Variants in CUL9 observed in about 807,000 individuals in gnomAD.
CUL9 encodes cullin-9.
Under a neutral mutation model 272.6 loss-of-function variants are expected in CUL9, and 79 were observed. That is an observed-to-expected ratio of 0.29 (90% CI 0.24 to 0.35). The LOEUF (loss-of-function observed/expected upper bound fraction) is 0.35, where lower values mean the gene tolerates loss of function less well. Among genes scored for constraint, CUL9 ranks in the 10% least tolerant of loss-of-function variants. The pLI is 1.00. For missense variants in CUL9, 2,532 were observed against 3,255.6 expected (o/e 0.78, Z 5.41); for synonymous variants, 1,186 against 1,286.5 (o/e 0.92, Z 1.67).
Position 43,203,710 on chromosome 6 carries a change from T to C in CUL9, c.4025+118T>C. 2.0e-6 allele frequency: 3 copies of C among 1,484,874 alleles called. No homozygotes were observed. The highest frequency in any genetic ancestry group is 1.3e-5 in the South Asian group (1 of 77,318). 92.0% of individuals were successfully genotyped at this position (1,484,874 alleles called of 1,614,324 possible). On this transcript the variant is annotated intron_variant, in intron 19 of 40. Coordinates refer to ENST00000252050, the MANE Select transcript of CUL9 (RefSeq NM_015089.4). This position sits in a 1 kb window ranked among gnomAD's most constrained non-coding sequence, Gnocchi z 5.0. Reference sequence around the variant, plus strand: ...TGCAGCCAGGACATGAGGGGGAAGGTGAACGTAGGTGAGAAGTTTGTGTTA... The same window carrying C: ...TGCAGCCAGGACATGAGGGGGAAGGCGAACGTAGGTGAGAAGTTTGTGTTA...
chr6:43,210,168 G>A (rs1775362396), intron 26 of CUL9, among the ~76,000 whole-genome samples: 1 of 151,466 alleles, frequency 6.6e-6, no homozygotes, highest in African/African-American at 2.4e-5. Context: ...TAGTAGAGAT[G>A]GGGTTTCACC....
At chr6:43,207,991 A>G (rs530802506) in intron 26 of CUL9, among the ~76,000 whole-genome samples, 2 of 152,318 alleles carry the variant, frequency 1.3e-5, no homozygotes, top group Non-Finnish European at 2.9e-5. Flanking sequence ...TAAAACCGCT[A>G]ATCATACTGG....
In CUL9 at chr6:43,203,027, CCGACT is replaced by C; in HGVS notation, c.3754-81_3754-77del. Reference sequence around the variant, plus strand: ...GAGAAGTGAAGGGCACACACCATGACCGACTTGGTTACTGTCAACAATTTTTCCAA... The same window carrying C: ...GAGAAGTGAAGGGCACACACCATGACTGGTTACTGTCAACAATTTTTCCAA... On this transcript the variant is annotated intron_variant, in intron 17 of 40. Transcript: ENST00000252050. This position sits in a 1 kb window ranked among gnomAD's most constrained non-coding sequence, Gnocchi z 5.0. 6.7e-7 allele frequency: 1 copy of C among 1,483,378 alleles called. No individual in the cohort carries two copies. The highest frequency in any genetic ancestry group is 9.4e-7 in the Non-Finnish European group (1 of 1,065,310). The allele number at this position is 1,483,378 out of a possible 1,614,324, so 91.9% of individuals were successfully genotyped here.
rs369700562 is a variant in CUL9 at position 43,224,359 on chromosome 6, T to A, written c.7468T>A (p.Phe2490Ile). 6.2e-7 allele frequency: 1 copy of A among 1,614,092 alleles called. No homozygotes were observed. Among genetic ancestry groups the A allele is most frequent in the African/African-American group, 1.3e-5 (1 of 74,930 alleles). ...TGATGAGGAGCTGGACAATGACAGC[T>A]TCTCCTACGATGAGTCTGAGAACCT... Reference protein sequence around the residue: ...EFDEELDNDSFSYDESENLDQ... With the variant: ...EFDEELDNDSISYDESENLDQ... Residue 2490 changes from phenylalanine (F) to isoleucine (I), a missense_variant, in exon 41 of 41, where the codon TTC (phenylalanine) becomes ATC (isoleucine). Phe to Ile is a conservative substitution (Grantham distance 21, BLOSUM62 0). Around this residue, in one of 3 missense-constraint regions of CUL9, gnomAD observed 237 missense variants for 305.9 expected, o/e 0.77. Transcript: ENST00000252050. This position sits in a 1 kb window ranked among gnomAD's most constrained non-coding sequence, Gnocchi z 4.2.
In CUL9 at chr6:43,188,696, C is replaced by G. The variant is rs770578201; in HGVS notation, c.2161C>G (p.Arg721Gly). ...CACTGAGCGGGACCACCCTCTGGTC[C>G]GTCCTGACAGATCGCTGAGGTTAGC... ...EVTERDHPLV[R>G]PDRSLREKLV... The change falls in exon 8 of 41, where the codon CGT (arginine) becomes GGT (glycine). Residue 721 changes from arginine (R) to glycine (G), a missense_variant. Arg to Gly is a moderately radical substitution (Grantham distance 125). Coordinates refer to ENST00000252050, the MANE Select transcript of CUL9 (RefSeq NM_015089.4). The G allele has an allele frequency of 4.3e-6, 7 of 1,610,610 alleles. No individual in the cohort carries two copies. Among genetic ancestry groups the G allele is most frequent in the South Asian group, 2.2e-5 (2 of 90,538 alleles).
rs925658083 is a variant in CUL9 at position 43,188,094 on chromosome 6, A to C, written c.1963A>C (p.Thr655Pro). Residue 655 changes from threonine (T) to proline (P), a missense_variant, in exon 7 of 41, where the codon ACT becomes CCT. Coordinates refer to ENST00000252050, the MANE Select transcript of CUL9 (RefSeq NM_015089.4). Reference sequence around the variant, plus strand: ...GGTGACTGAGGGGATGACCCTGCCCACTGAGATGAAGGAGGCAGCCAGTGG... The same window carrying C: ...GGTGACTGAGGGGATGACCCTGCCCCCTGAGATGAAGGAGGCAGCCAGTGG... The part of the protein sequence containing the change: ...LLVTEGMTLP[T>P]EMKEAASEMA... 6 of 1,613,770 alleles carry C rather than the reference A, an allele frequency of 3.7e-6. No homozygotes were observed. The highest frequency in any genetic ancestry group is 5.1e-6 in the Non-Finnish European group (6 of 1,180,038).
chr6:43,204,261 C>A, intron 20 of CUL9, 99 bp from the exon 21 acceptor site: 2 of 1,450,770 alleles, frequency 1.4e-6, no homozygotes, highest in South Asian at 1.3e-5. Context: ...CACTACCCCT[C>A]AAGCCTTTTT....
intron 9 of CUL9, among the ~76,000 whole-genome samples, chr6:43,195,359 A>C (rs1456510198): frequency 6.6e-6 from 1 of 152,256 alleles, no homozygotes; most frequent in Non-Finnish European, 1.5e-5. Flanking sequence ...ACAGGTTTGC[A>C]CATTACAATT....
chr6:43,185,711 A>G, intron 3 of CUL9, 101 bp downstream of exon 3: 1 of 1,374,680 alleles, frequency 7.3e-7, no homozygotes, highest in East Asian at 2.4e-5. Flanking sequence ...CCACCTGGGA[A>G]CTTGTTAACA....
intron 8 of CUL9, among the ~76,000 whole-genome samples, chr6:43,190,031 C>T (rs1440987682): frequency 1.4e-5 from 2 of 145,946 alleles, no homozygotes; most frequent in Admixed American, 6.8e-5. Context: ...TTTTTTTTTG[C>T]CCCCGCTCAG....
In CUL9 at chr6:43,200,890, A is replaced by G; in HGVS notation, c.3647+56A>G. The G allele has an allele frequency of 6.2e-7, 1 of 1,601,486 alleles. No homozygotes were observed. The highest frequency in any genetic ancestry group is 8.5e-7 in the Non-Finnish European group (1 of 1,170,122). On this transcript the variant is annotated intron_variant, in intron 16 of 40. Coordinates refer to ENST00000252050, the MANE Select transcript of CUL9 (RefSeq NM_015089.4). The surrounding 1 kb of genome is among the most constrained non-coding windows in gnomAD (Gnocchi z 4.0). ...GTGCCCCAGGATACTTCCCCAAAGC[A>G]CCCAGATACACACAACCCCAGCTAT...
In CUL9 at chr6:43,216,378, G is replaced by A; in HGVS notation, c.6157G>A (p.Ala2053Thr). ...GGACCCTGAGCCACTGCTGCTGGCA[G>A]CTGGGCTGTGCGTACACCAGGCTCA... Reference protein sequence around the residue: ...SEDPEPLLLAAGLCVHQAQAV... With the variant: ...SEDPEPLLLATGLCVHQAQAV... Residue 2053 changes from alanine (A) to threonine (T), a missense_variant, in exon 31 of 41, where the codon GCT becomes ACT. Ala to Thr is a moderately conservative substitution (Grantham distance 58, BLOSUM62 0). Around this residue, in one of 3 missense-constraint regions of CUL9, gnomAD observed 2,218 missense variants for 2,788.6 expected, o/e 0.80. Coordinates refer to ENST00000252050, the MANE Select transcript of CUL9 (RefSeq NM_015089.4). 3 of 1,614,150 alleles carry A rather than the reference G, an allele frequency of 1.9e-6. No homozygotes were observed. Among genetic ancestry groups the A allele is most frequent in the Non-Finnish European group, 2.5e-6 (3 of 1,180,016 alleles).
chr6:43,202,633 A>C, intron 16 of CUL9, 83 bp from the exon 17 acceptor site: 1 of 1,176,550 alleles, frequency 8.5e-7, no homozygotes. Flanking sequence ...CTCCCACCTC[A>C]GCCTCCCAAA....
At position 43,216,458 on chromosome 6, in the gene CUL9, TGAC is replaced by T. The variant is rs769725460; in HGVS notation, c.6244_6246del (p.Asp2082del). 1.2e-6 allele frequency: 2 copies of T among 1,605,448 alleles called. No individual in the cohort carries two copies. The highest frequency in any genetic ancestry group is 1.7e-6 in the Non-Finnish European group (2 of 1,173,026). On this transcript the variant is annotated inframe_deletion, in exon 31 of 41. Transcript: ENST00000252050. ...CCGTCTGTGTGAGCCCCCTGGGGTG[TGAC>T]GACGACCTGCCCTCTCTCTGCTGCA...
In CUL9 at chr6:43,220,491, C is replaced by T. The variant is rs771857842; in HGVS notation, c.6315C>T (p.Ile2105=). The change falls in exon 32 of 41, where the codon ATC becomes ATT. Residue 2105 remains isoleucine, a synonymous_variant. Transcript: ENST00000252050. The surrounding 1 kb of genome is among the most constrained non-coding windows in gnomAD (Gnocchi z 4.9). ...GGAATGAGTACCTGACAACTCGGATCGAGCAGAACCTTGTTTTGAATTGCA... is the reference window on the plus strand; with the variant it reads ...GGAATGAGTACCTGACAACTCGGATTGAGCAGAACCTTGTTTTGAATTGCA... ...SCWNEYLTTR[I]EQNLVLNCTC... 1.1e-5 allele frequency: 18 copies of T among 1,614,154 alleles called. No individual in the cohort carries two copies. The Admixed American group carries it at 1.2e-4, about 10-fold the overall frequency.
chr6:43,189,900 A>G (rs914135530), intron 8 of CUL9, among the ~76,000 whole-genome samples: 4 of 152,150 alleles, frequency 2.6e-5, no homozygotes, highest in Admixed American at 1.3e-4. Flanking sequence ...CTTTCTCACC[A>G]CTGTTATCAG....
chr6:43,223,499 G>T lies in CUL9; in HGVS notation c.7284+102G>T. The T allele has an allele frequency of 2.1e-6, 3 of 1,444,942 alleles. No individual in the cohort carries two copies. Among genetic ancestry groups the T allele is most frequent in the Non-Finnish European group, 2.8e-6 (3 of 1,082,584 alleles). 89.5% of individuals were successfully genotyped at this position (1,444,942 alleles called of 1,614,324 possible). A position where few individuals can be genotyped will look rare whatever the true frequency, so the allele number is the denominator to read the frequency against. ...CCCTGGGGCGAGTCCAGAAGGAAAG[G>T]CAGCAAAGCGGGTGAATGGATGTTA... On this transcript the variant is annotated intron_variant, in intron 39 of 40. Coordinates refer to ENST00000252050, the MANE Select transcript of CUL9 (RefSeq NM_015089.4). This position sits in a 1 kb window ranked among gnomAD's most constrained non-coding sequence, Gnocchi z 4.1.
rs766759087 is a variant in CUL9 at position 43,224,458 on chromosome 6, A to C, written c.*13A>C. The C allele has an allele frequency of 6.2e-7, 1 of 1,610,490 alleles. No individual in the cohort carries two copies. Among genetic ancestry groups the C allele is most frequent in the South Asian group, 1.1e-5 (1 of 90,552 alleles). Reference sequence around the variant, plus strand: ...GGCCTATGACTGAGGGGGCAGATGCAGGAAACACCTAGAGCAGCCCCAGAG... The same window carrying C: ...GGCCTATGACTGAGGGGGCAGATGCCGGAAACACCTAGAGCAGCCCCAGAG... On this transcript the variant is annotated 3_prime_UTR_variant, in exon 41 of 41. Coordinates refer to ENST00000252050, the MANE Select transcript of CUL9 (RefSeq NM_015089.4). The surrounding 1 kb of genome is among the most constrained non-coding windows in gnomAD (Gnocchi z 4.2).
chr6:43,220,621 A>G lies in CUL9; in HGVS notation c.6423+22A>G, dbSNP rs1776278707. 1.2e-6 allele frequency: 2 copies of G among 1,613,240 alleles called. No homozygotes were observed. The highest frequency in any genetic ancestry group is 1.7e-6 in the Non-Finnish European group (2 of 1,179,642). On this transcript the variant is annotated intron_variant, in intron 32 of 40. Transcript: ENST00000252050. This position sits in a 1 kb window ranked among gnomAD's most constrained non-coding sequence, Gnocchi z 4.9. The stretch of plus-strand genomic sequence containing the variant: ...CAAGGTATCCCCTCTCGTCTGAGAG[A>G]GGCTCCAGTGCAGAGCCAAAGGAGT...
Sources: gnomAD v4.1 joint callset for allele counts (sites outside exome capture counted in the v4.1 genomes callset) on GRCh38, gnomAD v4.1.1 for gene constraint, gnomAD v4.1.1 regional missense constraint, Gnocchi (gnomAD v3.1) non-coding constraint, MANE v1.5 for transcripts, NCBI Gene and HGNC (gene_info 2026-07-23, HGNC 2026-07-21) for gene names.